WDR3: variants seen among roughly 807,000 people sequenced by gnomAD.
WDR3 encodes WD repeat domain 3.
Under a neutral mutation model 123.7 loss-of-function variants are expected in WDR3, and 81 were observed. The ratio of observed to expected loss-of-function variants is 0.65; its 90% CI spans 0.55 to 0.79. WDR3 has a LOEUF of 0.79. Ranked by LOEUF, WDR3 falls within the 30% of genes least tolerant of loss-of-function variation. WDR3 has a pLI of 0.00. For synonymous variants in WDR3, 390 were observed against 388.8 expected, an observed-to-expected ratio of 1.00 and a Z score of -0.04; for missense variants, 1,027 against 1,123.2, an observed-to-expected ratio of 0.91 and a Z score of 1.22.
At chr1:117,946,279 G>A in intron 12 of WDR3, 100 bp downstream of exon 12, 2 of 814,864 alleles carry the variant, frequency 2.5e-6, no homozygotes, top group South Asian at 2.5e-5. Context: ...GAAATGGACT[G>A]GAGCTAAGTA....
intron 24 of WDR3, 125 bp downstream of exon 24, chr1:117,955,483 T>A: frequency 1.2e-6 from 1 of 840,286 alleles, no homozygotes; most frequent in Non-Finnish European, 1.8e-6. Context: ...TATATCAAAG[T>A]TTTGATGGAA....
chr1:117,955,202 A>T, intron 23 of WDR3, 113 bp from the exon 24 acceptor site: 1 of 840,754 alleles, frequency 1.2e-6, no homozygotes, highest in Non-Finnish European at 1.8e-6. Context: ...ATTTTAGAAT[A>T]CTTTTTCTGA....
rs777802428 is a variant in WDR3 at position 117,952,595 on chromosome 1, A to G, written c.2084A>G (p.His695Arg). 5.6e-6 allele frequency: 9 copies of G among 1,613,538 alleles called. No homozygotes were observed. The East Asian group carries it at 1.8e-4, about 32-fold the overall frequency. The change falls in exon 19 of 27, where the codon CAT becomes CGT. Residue 695 changes from histidine (H) to arginine (R), a missense_variant. Coordinates refer to ENST00000349139, the MANE Select transcript of WDR3 (RefSeq NM_006784.3). Reference sequence around the variant, plus strand: ...GGAGACTATGTTGTATCATCGTCCCATGACAAATCTCTGAGACTTTGGGAG... The same window carrying G: ...GGAGACTATGTTGTATCATCGTCCCGTGACAAATCTCTGAGACTTTGGGAG... ...PSGDYVVSSS[H>R]DKSLRLWERT... is the part of the protein sequence containing the mutation.
chr1:117,959,883 T>C lies in WDR3; in HGVS notation c.*436T>C, dbSNP rs1457086096. On this transcript the variant is annotated 3_prime_UTR_variant, in exon 27 of 27. Transcript: ENST00000349139. ...TTGAGACAACCAGGTGCATAATTGA[T>C]TGCCCTTTGGCCATAAAAATGCAGT... is the stretch of plus-strand genomic sequence containing the variant. 6.5e-6 allele frequency: 1 copy of C among 153,110 alleles called. No homozygotes were observed. Among genetic ancestry groups the C allele is most frequent in the Non-Finnish European group, 1.5e-5 (1 of 68,700 alleles). 9.5% of individuals were successfully genotyped at this position (153,110 alleles called of 1,614,324 possible). A position where few individuals can be genotyped will look rare whatever the true frequency, so the allele number is the denominator to read the frequency against.
chr1:117,964,156 C>T lies in WDR3; in HGVS notation c.*4709C>T. The T allele has an allele frequency of 2.4e-6, 1 of 418,648 alleles. No individual in the cohort carries two copies. 25.9% of individuals were successfully genotyped at this position (418,648 alleles called of 1,614,324 possible). A position where few individuals can be genotyped will look rare whatever the true frequency, so the allele number is the denominator to read the frequency against. On this transcript the variant is annotated 3_prime_UTR_variant, in exon 27 of 27. Transcript: ENST00000349139. Reference sequence around the variant, plus strand: ...CTTCTGTTCTCCCTAGTGTACATTTCTCTCCTAACTGTGACTGGCTTTCTA... The same window carrying T: ...CTTCTGTTCTCCCTAGTGTACATTTTTCTCCTAACTGTGACTGGCTTTCTA...
intron 26 of WDR3, 103 bp downstream of exon 26, chr1:117,959,106 A>G: frequency 7.7e-7 from 1 of 1,303,276 alleles, no homozygotes; most frequent in Non-Finnish European, 1.1e-6. Context: ...CCCACCACCG[A>G]TAAATCCATA....
chr1:117,957,589 C>T (rs2101293668), intron 25 of WDR3, among the ~76,000 whole-genome samples: 1 of 152,366 alleles, frequency 6.6e-6, no homozygotes, highest in Admixed American at 6.5e-5. Context: ...TTTAAGCCAA[C>T]CTTGTCCAGC....
chr1:117,957,217 A>G, intron 25 of WDR3, 21 bp downstream of exon 25: 1 of 1,605,216 alleles, frequency 6.2e-7, no homozygotes, highest in East Asian at 2.2e-5. Context: ...TTTCCAAAGA[A>G]TACCATGTCT....
rs969260067 is a variant in WDR3, at chr1:117,959,525, T to A, written c.*78T>A. On this transcript the variant is annotated 3_prime_UTR_variant, in exon 27 of 27. Coordinates refer to ENST00000349139, the MANE Select transcript of WDR3 (RefSeq NM_006784.3). ...TAAACTAAGCACAGAAGAGTTGGCG[T>A]CATCTTAAAAATACCAAATAACAGA... 23 of 1,398,634 alleles carry A rather than the reference T, an allele frequency of 1.6e-5. No individual in the cohort carries two copies. The highest frequency in any genetic ancestry group is 2.2e-5 in the Non-Finnish European group (23 of 1,059,058). 86.6% of individuals were successfully genotyped at this position (1,398,634 alleles called of 1,614,324 possible).
intron 22 of WDR3, 84 bp from the exon 23 acceptor site, chr1:117,954,496 A>T (rs937800534): frequency 2.2e-6 from 3 of 1,349,024 alleles, no homozygotes; most frequent in Non-Finnish European, 2.1e-6. Flanking sequence ...TCAAAATTAT[A>T]AAATACAGTT....
chr1:117,943,294 A>G, intron 10 of WDR3, 102 bp from the exon 11 acceptor site: 1 of 1,021,888 alleles, frequency 9.8e-7, no homozygotes, highest in Non-Finnish European at 1.4e-6. Flanking sequence ...AGTTATTCAA[A>G]CTTTATATAG....
intron 1 of WDR3, among the ~76,000 whole-genome samples, chr1:117,932,352 C>T (rs1466979569): frequency 6.6e-6 from 1 of 152,238 alleles, no homozygotes; most frequent in Non-Finnish European, 1.5e-5. Flanking sequence ...GCAATAGCAG[C>T]ATCACTTGGA....
intron 2 of WDR3, 79 bp from the exon 3 acceptor site, chr1:117,934,394 T>G: frequency 2.2e-6 from 3 of 1,356,560 alleles, no homozygotes; most frequent in South Asian, 2.7e-5. Flanking sequence ...TTAATTTTAC[T>G]GTGCCTGAGT....
Position 117,957,317 on chromosome 1 carries a change from C to T in WDR3, c.2582+121C>T, listed in dbSNP as rs546161902. ...GTATGCCGAACTCGGTGGCTCACAC[C>T]CGTAATCCCAGCACTTTGGGAGGCT... On this transcript the variant is annotated intron_variant, in intron 25 of 26. Transcript: ENST00000349139. 56 of 1,269,530 alleles carry T rather than the reference C, an allele frequency of 4.4e-5. No homozygotes were observed. In the South Asian group the frequency reaches 9.2e-4, roughly 21 times the overall value. The allele number at this position is 1,269,530 out of a possible 1,614,324, so 78.6% of individuals were successfully genotyped here. A position where few individuals can be genotyped will look rare whatever the true frequency, so the allele number is the denominator to read the frequency against.
At chr1:117,938,354 A>C (rs1383470839) in intron 4 of WDR3, 126 bp from the exon 5 acceptor site, 1 of 660,640 alleles carries the variant, frequency 1.5e-6, no homozygotes, top group Non-Finnish European at 2.5e-6. Context: ...ATCAGAGAGA[A>C]TCGGAGCTTT....
rs963210881 is a variant in WDR3, at chr1:117,966,183, A to G, written c.*6736A>G. ...TATTTTATACAGTACCTTGGAGGTA[A>G]TAGGTTCTTGATATCTATCTAATAT... On this transcript the variant is annotated 3_prime_UTR_variant, in exon 27 of 27. Transcript: ENST00000349139. 3 of 154,532 alleles carry G rather than the reference A, an allele frequency of 1.9e-5. No homozygotes were observed. Among genetic ancestry groups the G allele is most frequent in the Non-Finnish European group, 4.3e-5 (3 of 69,652 alleles). 9.6% of individuals were successfully genotyped at this position (154,532 alleles called of 1,614,324 possible).
chr1:117,938,210 C>G (rs988064991), intron 4 of WDR3, among the ~76,000 whole-genome samples: 1 of 152,080 alleles, frequency 6.6e-6, no homozygotes, highest in Non-Finnish European at 1.5e-5. Flanking sequence ...AGGAGGAAGG[C>G]CTGATGGATC....
At chr1:117,948,582 A>G in intron 13 of WDR3, 76 bp downstream of exon 13, 1 of 1,170,448 alleles carries the variant, frequency 8.5e-7, no homozygotes, top group Non-Finnish European at 1.2e-6. Context: ...TTCTTTAAAG[A>G]AAGCCTGAGG....
At chr1:117,953,871 C>T (rs1465377058) in intron 21 of WDR3, 136 bp from the exon 22 acceptor site, 2 of 716,620 alleles carry the variant, frequency 2.8e-6, no homozygotes, top group Non-Finnish European at 4.6e-6. Flanking sequence ...TGCTTTTTGG[C>T]ACTCTATTCG....
Sources: allele counts gnomAD v4.1 joint callset (sites outside exome capture counted in the v4.1 genomes callset), GRCh38; gene constraint gnomAD v4.1.1; transcripts MANE v1.5; gene names NCBI Gene and HGNC (gene_info 2026-07-23, HGNC 2026-07-21).